MCM3AP: variants seen among roughly 807,000 people sequenced by gnomAD.
The protein encoded by MCM3AP is minichromosome maintenance complex component 3 associated protein.
A neutral mutation model predicts 184.1 loss-of-function variants in MCM3AP; 126 were observed. That is an observed-to-expected ratio of 0.68 (90% CI 0.59 to 0.79). MCM3AP has a LOEUF of 0.79. Among genes scored for constraint, MCM3AP ranks in the 30% least tolerant of loss-of-function variants. MCM3AP has a pLI of 0.00. For missense variants in MCM3AP, 2,496 were observed against 2,479.2 expected, an observed-to-expected ratio of 1.01 and a Z score of -0.14; for synonymous variants, 1,002 against 979.3, an observed-to-expected ratio of 1.02 and a Z score of -0.43.
intron 21 of MCM3AP, 85 bp from the exon 22 acceptor site, chr21:46,246,489 G>C: frequency 7.2e-7 from 1 of 1,389,490 alleles, no homozygotes; most frequent in Non-Finnish European, 1.0e-6. Flanking sequence ...ACCCCACCCA[G>C]TCCTGCAGTG....
intron 6 of MCM3AP, 95 bp downstream of exon 6, chr21:46,275,091 C>G: frequency 7.3e-7 from 1 of 1,369,786 alleles, no homozygotes; most frequent in Non-Finnish European, 9.7e-7. Flanking sequence ...ATACCCAACA[C>G]TGTCTAAAAC....
rs1263778620 is a variant in MCM3AP at position 46,245,003 on chromosome 21, A to C, written c.4842T>G (p.Ser1614Arg). 2 of 1,614,056 alleles carry C rather than the reference A, an allele frequency of 1.2e-6. No individual in the cohort carries two copies. The highest frequency in any genetic ancestry group is 3.3e-5 in the Admixed American group (2 of 60,010). Reference protein sequence around the residue: ...EPGAIIELFNSVLQFLASVVS... With the variant: ...EPGAIIELFNRVLQFLASVVS... ...CCACAGAAGCCAGGAACTGCAGCACACTGTTAAACAGCTCAATGATGGCGC... is the reference window on the plus strand; with the variant it reads ...CCACAGAAGCCAGGAACTGCAGCACCCTGTTAAACAGCTCAATGATGGCGC... Residue 1614 changes from serine (S) to arginine (R), a missense_variant, in exon 23 of 28, where the codon AGT becomes AGG. Physicochemically the swap from Ser to Arg is moderately radical, Grantham distance 110. Around this residue, in one of 5 missense-constraint regions of MCM3AP, gnomAD observed 1,323 missense variants for 1,273.4 expected, o/e 1.04. Coordinates refer to ENST00000291688, the MANE Select transcript of MCM3AP (RefSeq NM_003906.5).
chr21:46,255,484 TGCA>T (rs551674021), intron 17 of MCM3AP, among the ~76,000 whole-genome samples: 208 of 152,178 alleles, frequency 1.4e-3, no homozygotes, highest in African/African-American at 4.8e-3. Context: ...AGACAGGTGC[TGCA>T]GCAACATTCC....
chr21:46,273,675 C>T (rs2081216814), intron 6 of MCM3AP, 90 bp from the exon 7 acceptor site: 5 of 853,280 alleles, frequency 5.9e-6, no homozygotes, highest in South Asian at 1.5e-5. Context: ...AAATCACATA[C>T]ACACCCACAC....
intron 4 of MCM3AP, 91 bp downstream of exon 4, chr21:46,279,902 C>G: frequency 7.5e-7 from 1 of 1,336,440 alleles, no homozygotes; most frequent in Non-Finnish European, 1.0e-6. Context: ...CTCACCACTC[C>G]CCACAGTCTT....
chr21:46,243,734 G>C lies in MCM3AP; in HGVS notation c.5039-12C>G. The C allele has an allele frequency of 6.2e-7, 1 of 1,612,860 alleles. No homozygotes were observed. The highest frequency in any genetic ancestry group is 1.3e-5 in the African/African-American group (1 of 75,040). ...GGGGAGCCAGGGGGCTGGGGAGAAAGTGCCTCATTAGTTACAGGTTTGGCC... is the reference window on the plus strand; with the variant it reads ...GGGGAGCCAGGGGGCTGGGGAGAAACTGCCTCATTAGTTACAGGTTTGGCC... On this transcript the variant is annotated splice_polypyrimidine_tract_variant and intron_variant, in intron 23 of 27. Transcript: ENST00000291688.
intron 2 of MCM3AP, among the ~76,000 whole-genome samples, chr21:46,282,756 G>A (rs903945757): frequency 2.0e-5 from 3 of 151,246 alleles, no homozygotes; most frequent in African/African-American, 7.3e-5. Context: ...AGTGAGCCGA[G>A]ATCATGCCAC....
rs1188696794 is a variant in MCM3AP, at chr21:46,260,884, C to G, written c.3490G>C (p.Val1164Leu). The G allele has an allele frequency of 6.2e-7, 1 of 1,613,356 alleles. No homozygotes were observed. The highest frequency in any genetic ancestry group is 1.7e-5 in the Admixed American group (1 of 60,008). The change falls in exon 15 of 28, where the codon GTG (valine) becomes CTG (leucine). Residue 1164 changes from valine (V) to leucine (L), a missense_variant. Val to Leu is a conservative substitution (Grantham distance 32). Coordinates refer to ENST00000291688, the MANE Select transcript of MCM3AP (RefSeq NM_003906.5). ...EERLKQEREL[V>L]LSELSQGLAV... is the part of the protein sequence containing the mutation. ...AGGCCCTGGCTCAGCTCACTTAACA[C>G]CAGCTCTCTCTCTTGTTTCAACCTA...
chr21:46,235,454 G>GT, intron 27 of MCM3AP, 28 bp from the exon 28 acceptor site: 3 of 1,606,194 alleles, frequency 1.9e-6, no homozygotes, highest in Non-Finnish European at 2.6e-6. Flanking sequence ...AAACTGAACA[G>GT]TTTTGGGATG....
At position 46,281,639 on chromosome 21, in the gene MCM3AP, T is replaced by C. The variant is rs112359127; in HGVS notation, c.1444-1064A>G. On this transcript the variant is annotated intron_variant, in intron 2 of 27. Coordinates refer to ENST00000291688, the MANE Select transcript of MCM3AP (RefSeq NM_003906.5). ...GAATTTAGGACCAGCCTGGGCCACA[T>C]AGTGAAACTTCATCTCAAAAAAATA... Among the ~76,000 whole-genome samples the C allele has an allele frequency of 9.3e-3, 1,414 of 152,174 alleles. 9 individuals are homozygous for C. The highest frequency in any genetic ancestry group is 0.013 in the Non-Finnish European group (874 of 68,018).
intron 20 of MCM3AP, chr21:46,249,711 C>A: frequency 2.5e-6 from 1 of 402,998 alleles, no homozygotes; most frequent in South Asian, 1.9e-5. Flanking sequence ...CTGCTAATGG[C>A]AACACTGAGC....
intron 11 of MCM3AP, 95 bp downstream of exon 11, chr21:46,265,830 G>T (rs566972617): frequency 2.1e-6 from 3 of 1,439,920 alleles, no homozygotes; most frequent in African/African-American, 2.8e-5. Flanking sequence ...CCTGGGAGGC[G>T]TCCTGGCGAG....
In MCM3AP at chr21:46,272,562, T is replaced by C; in HGVS notation, c.2464A>G (p.Arg822Gly). ...CAACTTTTGGATGTGAAAATTCACC[T>C]TAGGATGTCTCCCTTGTTGAGACTG... ...LLSLNKGDIL[R>G]EVQQFHPAVR... Residue 822 changes from arginine (R) to glycine (G), a missense_variant and splice_region_variant, in exon 8 of 28, where the codon AGA becomes GGA. Physicochemically the swap from Arg to Gly is moderately radical, Grantham distance 125 (BLOSUM62 -2). Coordinates refer to ENST00000291688, the MANE Select transcript of MCM3AP (RefSeq NM_003906.5). The C allele has an allele frequency of 6.2e-7, 1 of 1,612,926 alleles. No homozygotes were observed. The highest frequency in any genetic ancestry group is 8.5e-7 in the Non-Finnish European group (1 of 1,179,296).
intron 10 of MCM3AP, chr21:46,266,459 TAGA>T (rs1304368328): frequency 1.0e-5 from 3 of 298,672 alleles, no homozygotes; most frequent in South Asian, 8.6e-5. Flanking sequence ...GAGACAGAAC[TAGA>T]AGGAGACAGA....
chr21:46,272,427 TCTA>T lies in MCM3AP; in HGVS notation c.2465+131_2465+133del, dbSNP rs17176345. 152 of 951,748 alleles carry T rather than the reference TCTA, an allele frequency of 1.6e-4. No individual in the cohort carries two copies. The African/African-American group carries it at 1.8e-3, about 12-fold the overall frequency. The allele number at this position is 951,748 out of a possible 1,614,324, so 59.0% of individuals were successfully genotyped here. On this transcript the variant is annotated intron_variant, in intron 8 of 27. Coordinates refer to ENST00000291688, the MANE Select transcript of MCM3AP (RefSeq NM_003906.5). ...CGACTGCAAAGCCAGACCAAGGTCC[TCTA>T]CTATCATCCCAACATCTGCTACCAG...
intron 24 of MCM3AP, 73 bp downstream of exon 24, chr21:46,243,392 C>T (rs201740216): frequency 4.0e-6 from 6 of 1,502,552 alleles, no homozygotes; most frequent in Non-Finnish European, 5.4e-6. Context: ...ATCAACTAAA[C>T]ATCTTCCTTT....
rs2080735435 is a variant in MCM3AP, at chr21:46,244,794, G to T, written c.5038+13C>A. ...GCAGCCACCCACCAGACCTCCCCAG[G>T]TCAAGCACGTACCCCCCAGGGGTGG... On this transcript the variant is annotated intron_variant, in intron 23 of 27. Transcript: ENST00000291688. The T allele has an allele frequency of 6.3e-7, 1 of 1,598,436 alleles. No homozygotes were observed.
intron 20 of MCM3AP, 83 bp downstream of exon 20, chr21:46,251,446 G>A (rs913980164): frequency 8.5e-7 from 1 of 1,176,426 alleles, no homozygotes; most frequent in African/African-American, 1.5e-5. Context: ...GGAATAAGCA[G>A]TATTTGCATG....
rs1419846649 is a variant in MCM3AP at position 46,273,543 on chromosome 21, C to A, written c.2041G>T (p.Ala681Ser). ...AAVKEYSRSS[A>S]DQEEPLPHEL... Reference sequence around the variant, plus strand: ...TGGGGCAGGGGCTCCTCCTGATCCGCCGAGGACCGACTGTACTCTTTCACA... The same window carrying A: ...TGGGGCAGGGGCTCCTCCTGATCCGACGAGGACCGACTGTACTCTTTCACA... Residue 681 changes from alanine (A) to serine (S), a missense_variant, in exon 7 of 28, where the codon GCG (alanine) becomes TCG (serine). Ala to Ser is a moderately conservative substitution (Grantham distance 99). Around this residue, in one of 5 missense-constraint regions of MCM3AP, gnomAD observed 130 missense variants for 199.8 expected, o/e 0.65. Coordinates refer to ENST00000291688, the MANE Select transcript of MCM3AP (RefSeq NM_003906.5). 6.2e-7 allele frequency: 1 copy of A among 1,613,656 alleles called. No individual in the cohort carries two copies. The highest frequency in any genetic ancestry group is 1.3e-5 in the African/African-American group (1 of 74,870).
Sources: allele counts gnomAD v4.1 joint callset (sites outside exome capture counted in the v4.1 genomes callset), GRCh38; gene constraint gnomAD v4.1.1; regional missense constraint gnomAD v4.1.1; transcripts MANE v1.5; gene names NCBI Gene and HGNC (gene_info 2026-07-23, HGNC 2026-07-21).